Variants in PXDNL observed in about 807,000 individuals in gnomAD.
The protein encoded by PXDNL is peroxidasin like.
In PXDNL, 145 loss-of-function variants were observed where a neutral mutation model predicts 150.8. The observed-to-expected ratio is 0.96, with a 90% CI of 0.84 to 1.10. The LOEUF (loss-of-function observed/expected upper bound fraction) is 1.10, where lower values mean the gene tolerates loss of function less well. Among genes scored for constraint, PXDNL ranks in the 50% least tolerant of loss-of-function variants. The pLI, the probability that PXDNL is intolerant of heterozygous loss-of-function variation, is 0.00. For missense variants in PXDNL, 2,087 were observed against 1,873.9 expected, an observed-to-expected ratio of 1.11 and a Z score of -2.10; for synonymous variants, 757 against 725.7, an observed-to-expected ratio of 1.04 and a Z score of -0.69.
chr8:51,425,006 G>A (rs1348991632), intron 13 of PXDNL, among the ~76,000 whole-genome samples: 2 of 152,160 alleles, frequency 1.3e-5, no homozygotes, highest in Non-Finnish European at 1.5e-5. Context: ...AGGCAACCAG[G>A]TGCACAGGTC....
At chr8:51,685,378 T>C (rs1815851466) in intron 1 of PXDNL, among the ~76,000 whole-genome samples, 1 of 152,178 alleles carries the variant, frequency 6.6e-6, no homozygotes, top group South Asian at 2.1e-4. Context: ...CAAATGCCAG[T>C]TCATGTTCCC....
chr8:51,510,827 A>G (rs1400015991), intron 4 of PXDNL, among the ~76,000 whole-genome samples: 1 of 152,116 alleles, frequency 6.6e-6, no homozygotes, highest in Admixed American at 6.5e-5. Context: ...AAAAAACATT[A>G]TTGTGTTTGC....
intron 1 of PXDNL, among the ~76,000 whole-genome samples, chr8:51,744,312 A>G (rs893056976): frequency 1.1e-3 from 92 of 81,216 alleles, no homozygotes; most frequent in African/African-American, 2.9e-3. Flanking sequence ...AAGAAAGAGA[A>G]AGAAAGAAAG....
At chr8:51,600,479 T>C (rs1813681834) in intron 2 of PXDNL, among the ~76,000 whole-genome samples, 1 of 136,940 alleles carries the variant, frequency 7.3e-6, no homozygotes, top group Non-Finnish European at 1.5e-5. Flanking sequence ...TTATATCTTA[T>C]ATAAATTATA....
intron 1 of PXDNL, among the ~76,000 whole-genome samples, chr8:51,763,701 CT>C (rs1481625515): frequency 1.3e-5 from 2 of 151,988 alleles, no homozygotes; most frequent in African/African-American, 2.4e-5. Context: ...ATATTTTATA[CT>C]TTTATGCTAT....
At chr8:51,367,710 A>G (rs1806964777) in intron 19 of PXDNL, among the ~76,000 whole-genome samples, 1 of 152,206 alleles carries the variant, frequency 6.6e-6, no homozygotes, top group African/African-American at 2.4e-5. Context: ...ACATAGAATG[A>G]CTTGAGGAAA....
intron 2 of PXDNL, among the ~76,000 whole-genome samples, chr8:51,617,624 A>G (rs892671905): frequency 1.3e-5 from 2 of 152,266 alleles, no homozygotes; most frequent in African/African-American, 4.8e-5. Flanking sequence ...AAACATTAGT[A>G]AGCTGGTGCT....
chr8:51,399,431 A>G (rs896359798), intron 17 of PXDNL, among the ~76,000 whole-genome samples: 1 of 152,242 alleles, frequency 6.6e-6, no homozygotes, highest in Non-Finnish European at 1.5e-5. Context: ...TGCACTTCAC[A>G]ATATAGGTGA....
At chr8:51,673,674 C>G (rs1471746636) in intron 1 of PXDNL, among the ~76,000 whole-genome samples, 3 of 152,100 alleles carry the variant, frequency 2.0e-5, no homozygotes, top group Non-Finnish European at 4.4e-5. Flanking sequence ...ATGTTTTTAA[C>G]TTTTTCAATC....
chr8:51,471,018 CAA>C (rs11375028), intron 8 of PXDNL, among the ~76,000 whole-genome samples: 1 of 136,362 alleles, frequency 7.3e-6, no homozygotes. Flanking sequence ...TTCTGCACAG[CAA>C]AAAAAAAAAC....
chr8:51,409,519 AG>A lies in PXDNL; in HGVS notation c.2104del (p.Leu702SerfsTer45), dbSNP rs1808564537. 3.7e-6 allele frequency: 6 copies of A among 1,607,422 alleles called. No homozygotes were observed. Among genetic ancestry groups the A allele is most frequent in the Non-Finnish European group, 5.1e-6 (6 of 1,177,660 alleles). ...NDLVSPRSLSLIANLSGCTAR... is the reference protein window; with the variant it reads ...NDLVSPRSLSXIANLSGCTAR... ...TGTGCATCCAGATAAATTGGCGATG[AG>A]GCTGAGGGAGCGCGGGGACACCAAG... On this transcript the variant is annotated frameshift_variant, in exon 17 of 23. Coordinates refer to ENST00000356297, the MANE Select transcript of PXDNL (RefSeq NM_144651.5). LOFTEE classifies it high-confidence loss of function.
Position 51,530,549 on chromosome 8 carries a change from C to G in PXDNL, c.380+26291G>C, listed in dbSNP as rs565619400. On this transcript the variant is annotated intron_variant, in intron 4 of 22. Transcript: ENST00000356297. The stretch of plus-strand genomic sequence containing the variant: ...GTAGAGCCAACGTTGCTGCCATGAC[C>G]ACCCGGACTGCCCACTGCTGCTCAG... Among the ~76,000 whole-genome samples the G allele has an allele frequency of 3.3e-5, 5 of 152,306 alleles. No individual in the cohort carries two copies. The East Asian group carries it at 9.7e-4, about 29-fold the overall frequency.
At chr8:51,452,437 T>C (rs1398500838) in intron 10 of PXDNL, among the ~76,000 whole-genome samples, 2 of 152,198 alleles carry the variant, frequency 1.3e-5, no homozygotes, top group African/African-American at 4.8e-5. Flanking sequence ...CTGAGACATG[T>C]AAATAGGAAT....
intron 1 of PXDNL, among the ~76,000 whole-genome samples, chr8:51,754,875 T>C (rs2037083560): frequency 6.6e-6 from 1 of 152,126 alleles, no homozygotes; most frequent in African/African-American, 2.4e-5. Context: ...GCAATATTTG[T>C]TCATTCAGCA....
chr8:51,780,545 CTA>C (rs2037401694), intron 1 of PXDNL, among the ~76,000 whole-genome samples: 2 of 27,902 alleles, frequency 7.2e-5, no homozygotes, highest in Non-Finnish European at 2.7e-3. Context: ...CTGTAATAAA[CTA>C]CTACCATACG....
At chr8:51,624,786 G>T (rs1304364181) in intron 2 of PXDNL, among the ~76,000 whole-genome samples, 1 of 151,128 alleles carries the variant, frequency 6.6e-6, no homozygotes, top group Non-Finnish European at 1.5e-5. Context: ...TTCCCAGTCT[G>T]AAAGCCAGAG....
chr8:51,385,140 A>AT, intron 17 of PXDNL, among the ~76,000 whole-genome samples: 1 of 152,124 alleles, frequency 6.6e-6, no homozygotes, highest in East Asian at 1.9e-4. Context: ...CAATTATATC[A>AT]TTTTTTAACT....
intron 3 of PXDNL, among the ~76,000 whole-genome samples, chr8:51,566,742 C>T (rs73588720): frequency 0.071 from 10,707 of 150,994 alleles, 956 homozygotes; most frequent in African/African-American, 0.22. Context: ...AACCAGTTTT[C>T]ACTTTTGTCA....
intron 1 of PXDNL, among the ~76,000 whole-genome samples, chr8:51,803,061 T>C (rs2037637379): frequency 6.6e-6 from 1 of 152,160 alleles, no homozygotes; most frequent in Non-Finnish European, 1.5e-5. Context: ...CTCTCTCCCT[T>C]TGGGGCCAGA....
Sources: gnomAD v4.1 joint callset for allele counts (sites outside exome capture counted in the v4.1 genomes callset) on GRCh38, gnomAD v4.1.1 for gene constraint, MANE v1.5 for transcripts, NCBI Gene and HGNC (gene_info 2026-07-23, HGNC 2026-07-21) for gene names.